Variants in UVRAG observed in about 807,000 individuals in gnomAD.
The protein encoded by UVRAG is UV radiation resistance-associated gene protein.
A neutral mutation model predicts 78.0 loss-of-function variants in UVRAG; 19 were observed. The observed-to-expected ratio is 0.24, with a 90% CI of 0.17 to 0.36. UVRAG has a LOEUF of 0.36. Ranked by LOEUF, UVRAG falls within the 10% of genes least tolerant of loss-of-function variation. The pLI is 1.00. For missense variants in UVRAG, 740 were observed against 853.8 expected (o/e 0.87, Z 1.66); for synonymous variants, 323 against 324.6 (o/e 1.00, Z 0.05).
chr11:76,116,149 G>T (rs1406634042), intron 14 of UVRAG, 134 bp downstream of exon 14: 1 of 850,792 alleles, frequency 1.2e-6, no homozygotes, highest in Non-Finnish European at 1.8e-6. Flanking sequence ...AAAATGAAAG[G>T]CGCCATCACA....
intron 13 of UVRAG, among the ~76,000 whole-genome samples, chr11:76,079,748 G>A (rs890302567): frequency 1.3e-5 from 2 of 152,142 alleles, no homozygotes; most frequent in African/African-American, 4.8e-5. Context: ...AAGAATTTCT[G>A]CCTTTGATTT....
intron 13 of UVRAG, among the ~76,000 whole-genome samples, chr11:76,095,900 G>A (rs1471307007): frequency 3.4e-5 from 5 of 145,010 alleles, no homozygotes; most frequent in Non-Finnish European, 7.5e-5. Context: ...AAAGCCCTTA[G>A]AGGGAGATGC....
chr11:75,943,660 A>G (rs528404831), intron 6 of UVRAG, among the ~76,000 whole-genome samples: 1 of 152,240 alleles, frequency 6.6e-6, no homozygotes, highest in South Asian at 2.1e-4. Flanking sequence ...GAGGGTATGC[A>G]TATCCTGGTT....
chr11:75,838,839 T>A (rs1017781139), intron 1 of UVRAG: 2 of 152,230 alleles, frequency 1.3e-5, no homozygotes, highest in Non-Finnish European at 2.9e-5. Context: ...GATGAGTGGA[T>A]TAATCCATTT....
intron 1 of UVRAG, among the ~76,000 whole-genome samples, chr11:75,847,078 G>T (rs1443930326): frequency 1.3e-5 from 2 of 151,970 alleles, no homozygotes; most frequent in East Asian, 3.9e-4. Flanking sequence ...ACCCACCTCG[G>T]CCTCCCAAAA....
intron 13 of UVRAG, among the ~76,000 whole-genome samples, chr11:76,072,084 G>A (rs1205409071): frequency 1.3e-5 from 2 of 152,050 alleles, no homozygotes; most frequent in East Asian, 3.9e-4. Flanking sequence ...GATTACCCAG[G>A]GAGAGAACGC....
intron 12 of UVRAG, among the ~76,000 whole-genome samples, chr11:76,060,429 C>T (rs990442126): frequency 6.6e-6 from 1 of 152,246 alleles, no homozygotes; most frequent in Non-Finnish European, 1.5e-5. Context: ...CACTCGCTCT[C>T]AGCGCCTCTT....
At chr11:76,117,846 G>A (rs564474814) in intron 14 of UVRAG, among the ~76,000 whole-genome samples, 1 of 152,326 alleles carries the variant, frequency 6.6e-6, no homozygotes, top group East Asian at 1.9e-4. Context: ...TGAGAGGATG[G>A]AGAGAGCCAA....
At chr11:76,129,652 C>G (rs1952477100) in intron 14 of UVRAG, among the ~76,000 whole-genome samples, 1 of 152,170 alleles carries the variant, frequency 6.6e-6, no homozygotes, top group South Asian at 2.1e-4. Flanking sequence ...CTTTGTTCCT[C>G]CTTTTCTTCC....
intron 12 of UVRAG, among the ~76,000 whole-genome samples, chr11:76,036,100 C>T (rs369228365): frequency 1.1e-4 from 17 of 152,270 alleles, no homozygotes; most frequent in African/African-American, 4.1e-4. Flanking sequence ...TCAGGATCAA[C>T]TTAAAATTTA....
At chr11:76,058,560 G>A (rs1367179556) in intron 12 of UVRAG, among the ~76,000 whole-genome samples, 1 of 146,376 alleles carries the variant, frequency 6.8e-6, no homozygotes, top group African/African-American at 2.5e-5. Flanking sequence ...AAAAATTATT[G>A]TCTTTGGCAG....
chr11:76,071,561 A>G (rs557986259), intron 13 of UVRAG, among the ~76,000 whole-genome samples: 25 of 152,276 alleles, frequency 1.6e-4, no homozygotes, highest in African/African-American at 5.3e-4. Context: ...CCCAACGATC[A>G]TTCTAGCTAC....
chr11:76,027,117 A>G (rs975515561), intron 12 of UVRAG, among the ~76,000 whole-genome samples: 1 of 152,184 alleles, frequency 6.6e-6, no homozygotes, highest in South Asian at 2.1e-4. Context: ...TTAACTAAGC[A>G]TTCATTTTGA....
intron 8 of UVRAG, among the ~76,000 whole-genome samples, chr11:75,992,268 C>T (rs1402770110): frequency 6.6e-6 from 1 of 152,138 alleles, no homozygotes; most frequent in Non-Finnish European, 1.5e-5. Context: ...GTCAGTTGCA[C>T]ATTCTTGAAT....
At chr11:75,859,220 C>A (rs949612460) in intron 2 of UVRAG, among the ~76,000 whole-genome samples, 3 of 151,934 alleles carry the variant, frequency 2.0e-5, no homozygotes, top group African/African-American at 7.3e-5. Flanking sequence ...ACTAAAAATA[C>A]AAAAATTAGC....
At chr11:75,925,593 T>C (rs1291652433) in intron 6 of UVRAG, among the ~76,000 whole-genome samples, 1 of 152,244 alleles carries the variant, frequency 6.6e-6, no homozygotes, top group Non-Finnish European at 1.5e-5. Context: ...AAAGGGTCTT[T>C]CATTCGTTGA....
chr11:76,026,193 G>A (rs1194098717), intron 12 of UVRAG, among the ~76,000 whole-genome samples: 1 of 152,132 alleles, frequency 6.6e-6, no homozygotes, highest in Non-Finnish European at 1.5e-5. Flanking sequence ...GAAATAGTGA[G>A]TGGCACCCAG....
At chr11:75,865,287 CAAA>C (rs1195072746) in intron 3 of UVRAG, among the ~76,000 whole-genome samples, 2 of 45,732 alleles carry the variant, frequency 4.4e-5, no homozygotes, top group African/African-American at 1.4e-4. Context: ...AACTCCATCT[CAAA>C]AAAAAAAAAA....
Position 76,004,081 on chromosome 11 carries a change from T to C in UVRAG, c.903T>C (p.Thr301=), listed in dbSNP as rs140697071. 3.0e-5 allele frequency: 48 copies of C among 1,613,974 alleles called. No homozygotes were observed. The African/African-American group carries it at 4.5e-4, about 15-fold the overall frequency. The change falls in exon 9 of 15, where the codon ACT becomes ACC. Residue 301 remains threonine (T), a synonymous_variant. Coordinates refer to ENST00000356136, the MANE Select transcript of UVRAG (RefSeq NM_003369.4). Reference sequence around the variant, plus strand: ...TAAATGAGCTGAGGAAGGAGTGCACTGCAAAAAGGTAAATGCACACTGAGA... The same window carrying C: ...TAAATGAGCTGAGGAAGGAGTGCACCGCAAAAAGGTAAATGCACACTGAGA... ...ESLNELRKEC[T]AKRELFLKTN...
Sources: allele counts gnomAD v4.1 joint callset (sites outside exome capture counted in the v4.1 genomes callset), GRCh38; gene constraint gnomAD v4.1.1; transcripts MANE v1.5; gene names NCBI Gene and HGNC (gene_info 2026-07-23, HGNC 2026-07-21).